WDR70: variants seen among roughly 807,000 people sequenced by gnomAD.
The protein encoded by WDR70 is WD repeat-containing protein 70.
A neutral mutation model predicts 88.6 loss-of-function variants in WDR70; 53 were observed. The ratio of observed to expected loss-of-function variants is 0.60; its 90% CI spans 0.48 to 0.75. The LOEUF (loss-of-function observed/expected upper bound fraction) is 0.75, where lower values mean the gene tolerates loss of function less well. Among genes scored for constraint, WDR70 ranks in the 30% least tolerant of loss-of-function variants. The pLI, the probability that WDR70 is intolerant of heterozygous loss-of-function variation, is 0.00. For missense variants in WDR70, 610 were observed against 823.2 expected (o/e 0.74, Z 3.17); for synonymous variants, 280 against 270.0 (o/e 1.04, Z -0.36).
chr5:37,429,514 A>G (rs1335062762), intron 5 of WDR70, among the ~76,000 whole-genome samples: 2 of 152,088 alleles, frequency 1.3e-5, no homozygotes, highest in Admixed American at 6.5e-5. Context: ...ATTTTTATGT[A>G]TGGTGTAAGG....
chr5:37,424,148 C>CAAAAAAA (rs11304949), intron 5 of WDR70, among the ~76,000 whole-genome samples: 34 of 55,500 alleles, frequency 6.1e-4, no homozygotes, highest in Admixed American at 9.6e-4. Context: ...GACTCCATCT[C>CAAAAAAA]AAAAAAAAAA....
At chr5:37,708,695 G>C (rs568011575) in intron 13 of WDR70, among the ~76,000 whole-genome samples, 8 of 152,012 alleles carry the variant, frequency 5.3e-5, no homozygotes, top group Non-Finnish European at 1.2e-4. Context: ...AGGGACATAC[G>C]GCCATTCAGA....
At chr5:37,442,302 G>T (rs1257238380) in intron 6 of WDR70, among the ~76,000 whole-genome samples, 4 of 151,382 alleles carry the variant, frequency 2.6e-5, no homozygotes, top group South Asian at 2.1e-4. Flanking sequence ...CTCCCAAAGC[G>T]CTGGGATTAC....
chr5:37,616,735 C>T (rs904844974), intron 10 of WDR70, among the ~76,000 whole-genome samples: 1 of 152,044 alleles, frequency 6.6e-6, no homozygotes, highest in African/African-American at 2.4e-5. Flanking sequence ...TGGTCAGGGA[C>T]TTTTTGTCTT....
At chr5:37,565,099 G>C (rs1436543791) in intron 9 of WDR70, among the ~76,000 whole-genome samples, 1 of 152,026 alleles carries the variant, frequency 6.6e-6, no homozygotes, top group Non-Finnish European at 1.5e-5. Flanking sequence ...AAAAGATGAA[G>C]ATCTTACAGA....
chr5:37,400,589 C>G (rs1022036757), intron 5 of WDR70, among the ~76,000 whole-genome samples: 2 of 152,108 alleles, frequency 1.3e-5, no homozygotes, highest in Non-Finnish European at 2.9e-5. Context: ...AGAAAGTGGT[C>G]GTCTACAAGC....
At chr5:37,513,572 G>T (rs1472829621) in intron 8 of WDR70, among the ~76,000 whole-genome samples, 2 of 152,156 alleles carry the variant, frequency 1.3e-5, no homozygotes, top group Non-Finnish European at 2.9e-5. Context: ...TATACATACA[G>T]GGGAGTTGAT....
At position 37,725,653 on chromosome 5, in the gene WDR70, G is replaced by A. The variant is rs1404042528; in HGVS notation, c.1714+603G>A. On this transcript the variant is annotated intron_variant, in intron 16 of 17. Transcript: ENST00000265107. ...GCTCCTTCAGCATAGAAAACATTTT[G>A]CATATCTATCTTAATTATTTTTTTC... 2.6e-5 allele frequency among the ~76,000 whole-genome samples: 4 copies of A among 152,016 alleles called. No homozygotes were observed. In the East Asian group the frequency reaches 7.7e-4, roughly 29 times the overall value.
chr5:37,436,944 G>T (rs570552330), intron 5 of WDR70, among the ~76,000 whole-genome samples: 4 of 152,216 alleles, frequency 2.6e-5, no homozygotes, highest in African/African-American at 9.6e-5. Context: ...AGTAGGATTA[G>T]CCTGCTCTTG....
chr5:37,711,792 G>A (rs944477637), intron 13 of WDR70, among the ~76,000 whole-genome samples: 2 of 152,112 alleles, frequency 1.3e-5, no homozygotes, highest in African/African-American at 4.8e-5. Context: ...GTTTATTAAT[G>A]TAATACATGG....
intron 8 of WDR70, chr5:37,506,948 C>T (rs1469450383): frequency 2.7e-6 from 2 of 737,558 alleles, no homozygotes; most frequent in African/African-American, 1.7e-5. Flanking sequence ...TCCCTTCCCT[C>T]CACCCACTTG....
At chr5:37,488,621 T>C (rs1383187470) in intron 8 of WDR70, among the ~76,000 whole-genome samples, 1 of 152,046 alleles carries the variant, frequency 6.6e-6, no homozygotes, top group Middle Eastern at 3.2e-3. Context: ...TTTATTTCGT[T>C]TATTGAATTA....
At chr5:37,414,525 A>T (rs1354237588) in intron 5 of WDR70, among the ~76,000 whole-genome samples, 1 of 150,482 alleles carries the variant, frequency 6.6e-6, no homozygotes, top group African/African-American at 2.4e-5. Flanking sequence ...TATGGTACTT[A>T]TCATTATCTG....
intron 10 of WDR70, among the ~76,000 whole-genome samples, chr5:37,695,792 C>T (rs925309971): frequency 1.3e-5 from 2 of 152,174 alleles, no homozygotes; most frequent in Admixed American, 6.5e-5. Context: ...ATAATTACAC[C>T]TGCCAAGTTC....
chr5:37,404,976 C>T (rs1217142334), intron 5 of WDR70, among the ~76,000 whole-genome samples: 1 of 152,048 alleles, frequency 6.6e-6, no homozygotes, highest in Non-Finnish European at 1.5e-5. Flanking sequence ...GAGATGGGGT[C>T]CCTCCTATCA....
At chr5:37,435,293 T>G (rs184112540) in intron 5 of WDR70, among the ~76,000 whole-genome samples, 18 of 152,336 alleles carry the variant, frequency 1.2e-4, no homozygotes, top group African/African-American at 4.1e-4. Context: ...AGGTACAAAC[T>G]ATGATAGACT....
chr5:37,685,284 C>T (rs889823306), intron 10 of WDR70, among the ~76,000 whole-genome samples: 7 of 151,956 alleles, frequency 4.6e-5, no homozygotes, highest in African/African-American at 1.7e-4. Flanking sequence ...AAAATCCACT[C>T]ATGTAGACAC....
chr5:37,413,156 A>G (rs950682059), intron 5 of WDR70, among the ~76,000 whole-genome samples: 8 of 152,140 alleles, frequency 5.3e-5, no homozygotes, highest in Non-Finnish European at 8.8e-5. Flanking sequence ...CCCAGTGACT[A>G]TGTTCCTTAG....
intron 5 of WDR70, among the ~76,000 whole-genome samples, chr5:37,428,274 C>T (rs944776851): frequency 2.0e-5 from 3 of 151,964 alleles, no homozygotes; most frequent in Admixed American, 1.3e-4. Flanking sequence ...TTAGTTTTAT[C>T]GAGGTATAGT....
Sources: allele counts gnomAD v4.1 joint callset (sites outside exome capture counted in the v4.1 genomes callset), GRCh38; gene constraint gnomAD v4.1.1; transcripts MANE v1.5; gene names NCBI Gene and HGNC (gene_info 2026-07-23, HGNC 2026-07-21).